Variants in KCND2 observed in about 807,000 individuals in gnomAD.
The protein encoded by KCND2 is A-type voltage-gated potassium channel KCND2.
KCND2 carries 16 observed loss-of-function variants against 54.4 expected under a neutral mutation model. The observed-to-expected ratio is 0.29, with a 90% CI of 0.20 to 0.45. The LOEUF is 0.45. Ranked by LOEUF, KCND2 falls within the 20% of genes least tolerant of loss-of-function variation. The probability of loss-of-function intolerance (pLI) is 1.00; values close to 1 mark genes in which losing one functional copy is unlikely to be tolerated. For synonymous variants in KCND2, 317 were observed against 310.7 expected, an observed-to-expected ratio of 1.02 and a Z score of -0.21; for missense variants, 486 against 824.2, an observed-to-expected ratio of 0.59 and a Z score of 5.02.
rs1491288641 is a variant in KCND2 at position 120,309,472 on chromosome 7, T to TACAC, written c.1115+33726_1115+33727insCACA. ...GAAAACATATATATATATATATATATATACACACACACACACACACACACA... is the reference window on the plus strand; with the variant it reads ...GAAAACATATATATATATATATATATACACATACACACACACACACACACACACA... On this transcript the variant is annotated intron_variant, in intron 1 of 5. Coordinates refer to ENST00000331113, the MANE Select transcript of KCND2 (RefSeq NM_012281.3). Among the ~76,000 whole-genome samples, 728 of 122,580 alleles carry TACAC rather than the reference T, an allele frequency of 5.9e-3. 5 individuals are homozygous for TACAC. The highest frequency in any genetic ancestry group is 0.02 in the African/African-American group (679 of 33,332). 80.4% of individuals were successfully genotyped at this position (122,580 alleles called of 152,430 possible).
chr7:120,630,019 T>C (rs1793213838), intron 1 of KCND2, among the ~76,000 whole-genome samples: 1 of 152,030 alleles, frequency 6.6e-6, no homozygotes, highest in Non-Finnish European at 1.5e-5. Flanking sequence ...GTCAATGGTG[T>C]AGATATCGTA....
At chr7:120,671,475 T>C (rs1176262730) in intron 1 of KCND2, among the ~76,000 whole-genome samples, 2 of 151,998 alleles carry the variant, frequency 1.3e-5, no homozygotes, top group Non-Finnish European at 2.9e-5. Flanking sequence ...ACCTCTGCCA[T>C]AGATGATCTA....
intron 1 of KCND2, among the ~76,000 whole-genome samples, chr7:120,729,899 A>C (rs1640092944): frequency 6.6e-6 from 1 of 152,120 alleles, no homozygotes; most frequent in Admixed American, 6.6e-5. Flanking sequence ...TACCTTATGA[A>C]TCCTTCTAGA....
intron 1 of KCND2, among the ~76,000 whole-genome samples, chr7:120,433,921 A>C (rs562888294): frequency 6.6e-6 from 1 of 152,348 alleles, no homozygotes; most frequent in African/African-American, 2.4e-5. Flanking sequence ...AGTATGTCTC[A>C]TACTATTCAC....
intron 1 of KCND2, among the ~76,000 whole-genome samples, chr7:120,641,561 C>A (rs1040795659): frequency 6.6e-6 from 1 of 152,112 alleles, no homozygotes; most frequent in Non-Finnish European, 1.5e-5. Flanking sequence ...GAGAAGCACT[C>A]CAGGAGAAAT....
intron 1 of KCND2, among the ~76,000 whole-genome samples, chr7:120,458,367 T>C (rs144290014): frequency 1.8e-4 from 28 of 152,340 alleles, no homozygotes; most frequent in African/African-American, 6.7e-4. Context: ...AAGACAGTTT[T>C]TGATACCAAC....
chr7:120,414,131 C>T (rs1801491912), intron 1 of KCND2, among the ~76,000 whole-genome samples: 1 of 151,844 alleles, frequency 6.6e-6, no homozygotes, highest in African/African-American at 2.4e-5. Flanking sequence ...ATTATTGATG[C>T]TTTTTTCATT....
chr7:120,676,287 T>A (rs1021251587), intron 1 of KCND2, among the ~76,000 whole-genome samples: 12 of 152,296 alleles, frequency 7.9e-5, no homozygotes, highest in South Asian at 4.1e-4. Context: ...TCTTTTTTTT[T>A]AAATGCTTCC....
At chr7:120,689,623 T>A (rs1792245578) in intron 1 of KCND2, among the ~76,000 whole-genome samples, 1 of 152,198 alleles carries the variant, frequency 6.6e-6, no homozygotes, top group Non-Finnish European at 1.5e-5. Context: ...ATTTATATGA[T>A]AATTTAGACA....
intron 1 of KCND2, among the ~76,000 whole-genome samples, chr7:120,604,216 C>G (rs1409988429): frequency 2.0e-5 from 3 of 151,614 alleles, no homozygotes; most frequent in African/African-American, 7.3e-5. Context: ...TAATTTTAAA[C>G]TAAGGCTGGG....
At chr7:120,686,813 T>G (rs1370318356) in intron 1 of KCND2, among the ~76,000 whole-genome samples, 47 of 152,160 alleles carry the variant, frequency 3.1e-4, no homozygotes. Flanking sequence ...AGTTAAACTC[T>G]GCCATTTTGC....
intron 1 of KCND2, among the ~76,000 whole-genome samples, chr7:120,651,362 A>C (rs561253420): frequency 6.6e-6 from 1 of 152,142 alleles, no homozygotes; most frequent in South Asian, 2.1e-4. Flanking sequence ...GTTCGATCTC[A>C]GACTGCTGTG....
intron 1 of KCND2, among the ~76,000 whole-genome samples, chr7:120,351,410 A>T (rs112071446): frequency 0.61 from 56,759 of 93,574 alleles, 17,414 homozygotes; most frequent in South Asian, 0.8. Flanking sequence ...ACACACACAC[A>T]CACTCTCTCT....
intron 1 of KCND2, among the ~76,000 whole-genome samples, chr7:120,283,637 G>C (rs553267978): frequency 6.6e-6 from 1 of 152,230 alleles, no homozygotes; most frequent in East Asian, 1.9e-4. Context: ...GACAAGGCTA[G>C]TGCTCAGTGG....
intron 1 of KCND2, among the ~76,000 whole-genome samples, chr7:120,639,129 A>G (rs1793341383): frequency 6.6e-6 from 1 of 152,216 alleles, no homozygotes; most frequent in African/African-American, 2.4e-5. Context: ...TAAAGCCTGT[A>G]GAATGAAATA....
chr7:120,437,394 G>A (rs967629250), intron 1 of KCND2, among the ~76,000 whole-genome samples: 1 of 151,756 alleles, frequency 6.6e-6, no homozygotes, highest in Non-Finnish European at 1.5e-5. Flanking sequence ...GTAGAAACAG[G>A]TTTCACCATG....
intron 1 of KCND2, among the ~76,000 whole-genome samples, chr7:120,635,549 A>T (rs535294928): frequency 2.4e-4 from 37 of 152,360 alleles, no homozygotes; most frequent in African/African-American, 8.9e-4. Flanking sequence ...AACAAAGATC[A>T]TGTAATCAGG....
At chr7:120,499,986 C>T (rs1802909039) in intron 1 of KCND2, among the ~76,000 whole-genome samples, 1 of 152,070 alleles carries the variant, frequency 6.6e-6, no homozygotes, top group Non-Finnish European at 1.5e-5. Flanking sequence ...AAATGAAATG[C>T]AATAGCCATA....
chr7:120,368,325 T>A (rs1800716518), intron 1 of KCND2, among the ~76,000 whole-genome samples: 2 of 152,054 alleles, frequency 1.3e-5, no homozygotes, highest in Non-Finnish European at 2.9e-5. Context: ...TGTAAGTTTC[T>A]TGGGTTTTAA....
Sources: allele counts gnomAD v4.1 joint callset (sites outside exome capture counted in the v4.1 genomes callset), GRCh38; gene constraint gnomAD v4.1.1; transcripts MANE v1.5; gene names NCBI Gene and HGNC (gene_info 2026-07-23, HGNC 2026-07-21).